Variants in ZNF277 observed in about 807,000 individuals in gnomAD.
ZNF277 encodes the protein zinc finger protein 277, also known as nuclear receptor-interacting factor 4.
ZNF277 carries 55 observed loss-of-function variants against 60.7 expected under a neutral mutation model. That is an observed-to-expected ratio of 0.91 (90% CI 0.73 to 1.13). The LOEUF (loss-of-function observed/expected upper bound fraction) is 1.13, where lower values mean the gene tolerates loss of function less well. Ranked by LOEUF, ZNF277 falls within the 50% of genes most tolerant of loss-of-function variation. The pLI, the probability that ZNF277 is intolerant of heterozygous loss-of-function variation, is 0.00. For missense variants in ZNF277, 510 were observed against 523.0 expected (o/e 0.98, Z 0.24); for synonymous variants, 178 against 179.3 (o/e 0.99, Z 0.06).
intron 1 of ZNF277, among the ~76,000 whole-genome samples, chr7:112,254,983 A>G (rs1416374114): frequency 6.6e-6 from 1 of 152,048 alleles, no homozygotes; most frequent in Non-Finnish European, 1.5e-5. Context: ...AAAGAAACAA[A>G]ACAAACAAAC....
chr7:112,265,174 A>G (rs540359560), intron 1 of ZNF277, among the ~76,000 whole-genome samples: 6 of 152,324 alleles, frequency 3.9e-5, no homozygotes, highest in African/African-American at 1.2e-4. Context: ...CAAAAGGCCT[A>G]GCTTTCAATC....
intron 1 of ZNF277, among the ~76,000 whole-genome samples, chr7:112,250,385 C>G (rs1053302428): frequency 3.3e-5 from 5 of 152,162 alleles, no homozygotes; most frequent in Admixed American, 2.6e-4. Flanking sequence ...GTCCTGTGAT[C>G]TCGCCCTGCC....
chr7:112,233,117 T>G (rs1446886589), intron 1 of ZNF277, among the ~76,000 whole-genome samples: 1 of 152,218 alleles, frequency 6.6e-6, no homozygotes, highest in Non-Finnish European at 1.5e-5. Context: ...TCGTTTTCAT[T>G]ATCAGTTTCT....
chr7:112,237,286 T>A (rs1790822052), intron 1 of ZNF277, among the ~76,000 whole-genome samples: 1 of 151,870 alleles, frequency 6.6e-6, no homozygotes, highest in African/African-American at 2.4e-5. Context: ...GATCACAAAT[T>A]AATAACCTAA....
rs558668263 is a variant in ZNF277, at chr7:112,275,616, T to G, written c.92-11257T>G. ...CTACAAATAAATCAATAATTTATCA[T>G]ATTAAAGAGGGATTTGTTTTTAATC... On this transcript the variant is annotated intron_variant, in intron 1 of 11. Transcript: ENST00000361822. 3.3e-4 allele frequency among the ~76,000 whole-genome samples: 50 copies of G among 152,322 alleles called. No homozygotes were observed. In the East Asian group the frequency reaches 8.1e-3, roughly 25 times the overall value.
At chr7:112,315,295 C>T (rs187666422) in intron 4 of ZNF277, among the ~76,000 whole-genome samples, 1 of 152,138 alleles carries the variant, frequency 6.6e-6, no homozygotes, top group Admixed American at 6.6e-5. Context: ...TTGGGAGTCC[C>T]TAAGTCCCTA....
intron 4 of ZNF277, among the ~76,000 whole-genome samples, chr7:112,316,674 C>T (rs1310611925): frequency 6.6e-6 from 1 of 151,946 alleles, no homozygotes; most frequent in South Asian, 2.1e-4. Flanking sequence ...AGGTTTTCTT[C>T]TAGGGTTTTT....
At chr7:112,207,654 A>C (rs1482421308) in intron 1 of ZNF277, among the ~76,000 whole-genome samples, 6 of 146,366 alleles carry the variant, frequency 4.1e-5, no homozygotes, top group East Asian at 2.0e-4. Flanking sequence ...CATTCCCCCC[A>C]CCCCATTTTT....
intron 10 of ZNF277, among the ~76,000 whole-genome samples, chr7:112,340,556 G>A (rs1384931355): frequency 6.6e-6 from 1 of 152,162 alleles, no homozygotes; most frequent in African/African-American, 2.4e-5. Flanking sequence ...AGTCAAGCAT[G>A]GGCTTTGCAG....
rs570480489 is a variant in ZNF277 at position 112,218,225 on chromosome 7, G to A, written c.91+11418G>A. On this transcript the variant is annotated intron_variant, in intron 1 of 11. Coordinates refer to ENST00000361822, the MANE Select transcript of ZNF277 (RefSeq NM_021994.3). ...GAAGAAAAGGAATGACAAGATCAAA[G>A]TTTAATCAGGTAACAATGTACTGGA... Among the ~76,000 whole-genome samples, 4 of 152,318 alleles carry A rather than the reference G, an allele frequency of 2.6e-5. No individual in the cohort carries two copies. The South Asian group carries it at 6.2e-4, about 24-fold the overall frequency.
intron 1 of ZNF277, among the ~76,000 whole-genome samples, chr7:112,214,474 A>G (rs777216306): frequency 2.1e-4 from 32 of 152,286 alleles, no homozygotes; most frequent in Non-Finnish European, 3.4e-4. Context: ...TGTTCTACTG[A>G]CCTACTTGAC....
chr7:112,313,505 T>C (rs887613745), intron 4 of ZNF277, among the ~76,000 whole-genome samples: 20 of 152,004 alleles, frequency 1.3e-4, no homozygotes, highest in Non-Finnish European at 2.5e-4. Context: ...GCTGTGTTTA[T>C]AGTATTAAAA....
At chr7:112,260,649 G>A (rs1791420705) in intron 1 of ZNF277, among the ~76,000 whole-genome samples, 1 of 152,078 alleles carries the variant, frequency 6.6e-6, no homozygotes. Context: ...TCTAGGAAGC[G>A]ATAAGCCTTA....
intron 1 of ZNF277, among the ~76,000 whole-genome samples, chr7:112,219,290 G>C (rs936488704): frequency 1.3e-5 from 2 of 152,020 alleles, no homozygotes; most frequent in Non-Finnish European, 2.9e-5. Flanking sequence ...AAAAATCTTT[G>C]GCCAGACTAA....
At chr7:112,219,495 A>T (rs1821971282) in intron 1 of ZNF277, among the ~76,000 whole-genome samples, 1 of 152,110 alleles carries the variant, frequency 6.6e-6, no homozygotes, top group Non-Finnish European at 1.5e-5. Flanking sequence ...CCCATTATGT[A>T]TTCTTGGCAC....
chr7:112,213,652 C>T (rs1415139987), intron 1 of ZNF277, among the ~76,000 whole-genome samples: 1 of 152,134 alleles, frequency 6.6e-6, no homozygotes, highest in Admixed American at 6.6e-5. Context: ...GTAGCTTGCC[C>T]AAAGTCACAC....
rs141540150 is a variant in ZNF277, at chr7:112,217,682, G to A, written c.91+10875G>A. On this transcript the variant is annotated intron_variant, in intron 1 of 11. Coordinates refer to ENST00000361822, the MANE Select transcript of ZNF277 (RefSeq NM_021994.3). ...AAAACAAACCCGCTTCTTGCCTGGC[G>A]AGTAGACTGCCTTTTGCAGGACTAA... Among the ~76,000 whole-genome samples the A allele has an allele frequency of 1.4e-3, 217 of 152,282 alleles. 1 individual carries two copies. Among genetic ancestry groups the A allele is most frequent in the African/African-American group, 4.8e-3 (198 of 41,552 alleles).
chr7:112,308,905 T>G (rs1284604000), intron 4 of ZNF277, among the ~76,000 whole-genome samples: 1 of 152,058 alleles, frequency 6.6e-6, no homozygotes, highest in African/African-American at 2.4e-5. Flanking sequence ...AATGGATAGT[T>G]GTGGGGAAGT....
intron 4 of ZNF277, among the ~76,000 whole-genome samples, chr7:112,298,674 T>C (rs1178338271): frequency 2.0e-5 from 3 of 152,156 alleles, no homozygotes; most frequent in Non-Finnish European, 4.4e-5. Flanking sequence ...AACTTGGGGA[T>C]TGGAAGTAAG....
Sources: allele counts gnomAD v4.1 joint callset (sites outside exome capture counted in the v4.1 genomes callset), GRCh38; gene constraint gnomAD v4.1.1; transcripts MANE v1.5; gene names NCBI Gene and HGNC (gene_info 2026-07-23, HGNC 2026-07-21).